TENM4: variants seen among roughly 807,000 people sequenced by gnomAD.
TENM4 encodes the protein teneurin-4.
A neutral mutation model predicts 243.3 loss-of-function variants in TENM4; 82 were observed. The ratio of observed to expected loss-of-function variants is 0.34; its 90% confidence interval spans 0.28 to 0.40. The LOEUF is 0.40. Ranked by LOEUF, TENM4 falls within the 10% of genes least tolerant of loss-of-function variation. The pLI, the probability that TENM4 is intolerant of heterozygous loss-of-function variation, is 1.00. For missense variants in TENM4, 3,138 were observed against 3,673.3 expected (o/e 0.85, Z 3.77); for synonymous variants, 1,412 against 1,456.3 (o/e 0.97, Z 0.69).
intron 28 of TENM4, among the ~76,000 whole-genome samples, chr11:78,700,762 A>G (rs1859082777): frequency 6.6e-6 from 1 of 152,202 alleles, no homozygotes; most frequent in Admixed American, 6.5e-5. Context: ...TGAAATAAAT[A>G]GTGACACCAC....
intron 2 of TENM4, among the ~76,000 whole-genome samples, chr11:79,224,198 T>A (rs774842280): frequency 6.6e-6 from 1 of 152,214 alleles, no homozygotes; most frequent in African/African-American, 2.4e-5. Flanking sequence ...GTACCCAGCA[T>A]GGACTGACTG....
intron 6 of TENM4, among the ~76,000 whole-genome samples, chr11:79,039,567 AC>A (rs1859467639): frequency 6.6e-6 from 1 of 152,152 alleles, no homozygotes; most frequent in Non-Finnish European, 1.5e-5. Context: ...ACAGAAAAGA[AC>A]CCTTTTATCA....
chr11:79,205,593 C>G (rs1863836908), intron 3 of TENM4, among the ~76,000 whole-genome samples: 1 of 152,160 alleles, frequency 6.6e-6, no homozygotes, highest in African/African-American at 2.4e-5. Context: ...TAGTTTTATT[C>G]TCACTCAGTG....
At chr11:79,080,596 T>C (rs1860643131) in intron 4 of TENM4, among the ~76,000 whole-genome samples, 1 of 152,180 alleles carries the variant, frequency 6.6e-6, no homozygotes, top group Non-Finnish European at 1.5e-5. Context: ...CTGCACCCCT[T>C]TCTCCTGTAT....
At chr11:78,970,711 G>A (rs1381212924) in intron 6 of TENM4, among the ~76,000 whole-genome samples, 1 of 152,200 alleles carries the variant, frequency 6.6e-6, no homozygotes, top group African/African-American at 2.4e-5. Context: ...AGCAGTAGCT[G>A]TAGTCTACAC....
chr11:79,056,982 A>T (rs1041508184), intron 6 of TENM4, among the ~76,000 whole-genome samples: 6 of 152,162 alleles, frequency 3.9e-5, no homozygotes, highest in South Asian at 4.1e-4. Flanking sequence ...GATGGTGGGG[A>T]GGAGCAGGGA....
chr11:79,010,153 A>G (rs946657378), intron 6 of TENM4, among the ~76,000 whole-genome samples: 1 of 152,112 alleles, frequency 6.6e-6, no homozygotes, highest in African/African-American at 2.4e-5. Flanking sequence ...TGTCTTTATT[A>G]GCGGTGTGAG....
intron 1 of TENM4, among the ~76,000 whole-genome samples, chr11:79,344,898 G>A (rs1000119361): frequency 6.6e-6 from 1 of 152,212 alleles, no homozygotes; most frequent in African/African-American, 2.4e-5. Flanking sequence ...ATTCACTCAT[G>A]TTGTCACTTC....
intron 4 of TENM4, among the ~76,000 whole-genome samples, chr11:79,115,796 C>T (rs1262404788): frequency 6.6e-6 from 1 of 152,220 alleles, no homozygotes; most frequent in Non-Finnish European, 1.5e-5. Flanking sequence ...CCTTCAGTAG[C>T]AAATTCTGCT....
chr11:78,969,088 G>A (rs1857492030), intron 6 of TENM4, among the ~76,000 whole-genome samples: 1 of 152,138 alleles, frequency 6.6e-6, no homozygotes. Flanking sequence ...CTCACCACAA[G>A]CCCAGCAGTC....
chr11:79,069,655 CGAGCCCATGCCTACCT>C, intron 5 of TENM4, 51 bp downstream of exon 5: 1 of 1,488,792 alleles, frequency 6.7e-7, no homozygotes. Flanking sequence ...CACGCCCACC[CGAGCCCATGCCTACCT>C]GAGCCAAGCT....
intron 4 of TENM4, among the ~76,000 whole-genome samples, chr11:79,138,364 A>G (rs1423795620): frequency 1.6e-5 from 2 of 123,844 alleles, no homozygotes; most frequent in African/African-American, 3.1e-5. Context: ...TATAATATAT[A>G]ATATAAATAT....
At chr11:79,077,214 T>G (rs1419082740) in intron 4 of TENM4, among the ~76,000 whole-genome samples, 1 of 152,150 alleles carries the variant, frequency 6.6e-6, no homozygotes, top group African/African-American at 2.4e-5. Context: ...AAGACAGATG[T>G]GCTTCTGACT....
At chr11:78,887,586 A>G (rs1049814884) in intron 9 of TENM4, among the ~76,000 whole-genome samples, 1 of 152,232 alleles carries the variant, frequency 6.6e-6, no homozygotes, top group African/African-American at 2.4e-5. Flanking sequence ...AAGACTGTCA[A>G]CGTTGGAAGG....
chr11:78,978,571 T>G (rs978819369), intron 6 of TENM4, among the ~76,000 whole-genome samples: 5 of 152,132 alleles, frequency 3.3e-5, no homozygotes, highest in African/African-American at 1.2e-4. Flanking sequence ...ATCCTTTTTT[T>G]TCCTGCAACC....
intron 1 of TENM4, among the ~76,000 whole-genome samples, chr11:79,325,430 G>T (rs1400884479): frequency 6.6e-6 from 1 of 152,110 alleles, no homozygotes; most frequent in African/African-American, 2.4e-5. Context: ...TTTCCCCTCT[G>T]CCTTGTCTGC....
intron 2 of TENM4, among the ~76,000 whole-genome samples, chr11:79,217,858 G>T (rs1213740951): frequency 6.6e-6 from 1 of 152,126 alleles, no homozygotes; most frequent in Non-Finnish European, 1.5e-5. Context: ...GAGTAGCTGG[G>T]ATTACAGGTG....
chr11:79,077,166 C>A (rs1371757477), intron 4 of TENM4, among the ~76,000 whole-genome samples: 2 of 152,178 alleles, frequency 1.3e-5, no homozygotes, highest in Non-Finnish European at 2.9e-5. Flanking sequence ...CCAGTTCCTA[C>A]CCTCCTGTGC....
At chr11:79,001,938 C>T (rs1226807923) in intron 6 of TENM4, among the ~76,000 whole-genome samples, 3 of 152,196 alleles carry the variant, frequency 2.0e-5, no homozygotes, top group African/African-American at 7.2e-5. Flanking sequence ...TGCCTGCAGC[C>T]TCCCTCCACT....
Sources: gnomAD v4.1 joint callset for allele counts (sites outside exome capture counted in the v4.1 genomes callset) on GRCh38, gnomAD v4.1.1 for gene constraint, MANE v1.5 for transcripts, NCBI Gene and HGNC (gene_info 2026-07-23, HGNC 2026-07-21) for gene names.